Variants in CDC42BPA observed in about 807,000 individuals in gnomAD.
The protein encoded by CDC42BPA is CDC42 binding protein kinase alpha, also known as serine/threonine-protein kinase MRCK alpha.
CDC42BPA carries 80 observed loss-of-function variants against 223.5 expected under a neutral mutation model. The observed-to-expected ratio is 0.36, with a 90% CI of 0.30 to 0.43. The LOEUF (loss-of-function observed/expected upper bound fraction) is 0.43, where lower values mean the gene tolerates loss of function less well. Among genes scored for constraint, CDC42BPA ranks in the 20% least tolerant of loss-of-function variants. The pLI is 1.00. For missense variants in CDC42BPA, 1,743 were observed against 2,099.9 expected (o/e 0.83, Z 3.32); for synonymous variants, 694 against 718.6 (o/e 0.97, Z 0.55).
chr1:227,254,055 ATC>A lies in CDC42BPA; in HGVS notation c.270+7_270+8del. Reference sequence around the variant, plus strand: ...TTAGCAGACCTTCTATCAAATCTTAATCTCTTACCTCCCCAAAAGCTCCTCGA... The same window carrying A: ...TTAGCAGACCTTCTATCAAATCTTAATCTTACCTCCCCAAAAGCTCCTCGA... On this transcript the variant is annotated splice_region_variant and intron_variant, in intron 2 of 36. Coordinates refer to ENST00000366766, the MANE Select transcript of CDC42BPA (RefSeq NM_001394014.1). 6.7e-7 allele frequency: 1 copy of A among 1,484,654 alleles called. No individual in the cohort carries two copies. The highest frequency in any genetic ancestry group is 9.4e-7 in the Non-Finnish European group (1 of 1,068,880). 92.0% of individuals were successfully genotyped at this position (1,484,654 alleles called of 1,614,324 possible). A position where few individuals can be genotyped will look rare whatever the true frequency, so the allele number is the denominator to read the frequency against.
At position 227,213,209 on chromosome 1, in the gene CDC42BPA, A is replaced by G. The variant is rs1263333412; in HGVS notation, c.281T>C (p.Val94Ala). 10 of 1,481,930 alleles carry G rather than the reference A, an allele frequency of 6.7e-6. No individual in the cohort carries two copies. The highest frequency in any genetic ancestry group is 8.4e-6 in the Non-Finnish European group (9 of 1,072,724). The allele number at this position is 1,481,930 out of a possible 1,614,324, so 91.8% of individuals were successfully genotyped here. The change falls in exon 3 of 37, where the codon GTA (valine) becomes GCA (alanine). Residue 94 changes from valine to alanine, a missense_variant. Coordinates refer to ENST00000366766, the MANE Select transcript of CDC42BPA (RefSeq NM_001394014.1). The stretch of plus-strand genomic sequence containing the variant: ...CACTTTATCTGCATTTTTTAGTTTT[A>G]CTACAGCAACCTAGAAAAGATAAAG... ...GRGAFGEVAV[V>A]KLKNADKVFA... is the part of the protein sequence containing the mutation.
chr1:227,248,324 A>C (rs2063666), intron 2 of CDC42BPA, among the ~76,000 whole-genome samples: 1 of 152,082 alleles, frequency 6.6e-6, no homozygotes, highest in Admixed American at 6.6e-5. Context: ...TCCTTGTTTG[A>C]AGATGATATG....
At chr1:227,152,184 T>C (rs1661902783) in intron 6 of CDC42BPA, among the ~76,000 whole-genome samples, 1 of 152,226 alleles carries the variant, frequency 6.6e-6, no homozygotes, top group Non-Finnish European at 1.5e-5. Context: ...TGTTGCCTTT[T>C]CACTCTGATC....
At chr1:227,193,628 C>T (rs954782020) in intron 5 of CDC42BPA, 158 bp downstream of exon 5, 14 of 568,868 alleles carry the variant, frequency 2.5e-5, no homozygotes, top group African/African-American at 1.5e-4. Context: ...ATAATAACAA[C>T]AACAAAGCAA....
intron 8 of CDC42BPA, among the ~76,000 whole-genome samples, chr1:227,144,047 C>T (rs185485078): frequency 6.6e-6 from 1 of 152,248 alleles, no homozygotes; most frequent in African/African-American, 2.4e-5. Flanking sequence ...GCCTTGAATA[C>T]AGTACTAGGA....
intron 5 of CDC42BPA, among the ~76,000 whole-genome samples, chr1:227,170,343 G>C (rs1234626790): frequency 6.6e-6 from 1 of 151,878 alleles, no homozygotes; most frequent in Non-Finnish European, 1.5e-5. Flanking sequence ...ATGTGTGTGA[G>C]CCATCTTGAC....
intron 29 of CDC42BPA, among the ~76,000 whole-genome samples, chr1:227,029,639 T>A (rs12122759): frequency 3.9e-5 from 6 of 152,106 alleles, no homozygotes; most frequent in African/African-American, 1.4e-4. Context: ...ATGATCTAAG[T>A]TGACATAAAG....
At chr1:227,143,903 C>T (rs1377666278) in intron 8 of CDC42BPA, among the ~76,000 whole-genome samples, 1 of 152,066 alleles carries the variant, frequency 6.6e-6, no homozygotes, top group Non-Finnish European at 1.5e-5. Flanking sequence ...ATCAACTGTA[C>T]TATGTATTTA....
At chr1:227,267,982 A>G (rs1685280772) in intron 1 of CDC42BPA, among the ~76,000 whole-genome samples, 1 of 152,188 alleles carries the variant, frequency 6.6e-6, no homozygotes, top group Non-Finnish European at 1.5e-5. Context: ...TTTATTGTAC[A>G]CCTACCATGT....
chr1:227,151,057 A>G (rs1311555599), intron 6 of CDC42BPA, among the ~76,000 whole-genome samples: 2 of 152,136 alleles, frequency 1.3e-5, no homozygotes, highest in Non-Finnish European at 2.9e-5. Context: ...GTTCAATGGC[A>G]TAAGTACCTT....
At chr1:227,304,145 G>A (rs1300848018) in intron 1 of CDC42BPA, among the ~76,000 whole-genome samples, 2 of 152,098 alleles carry the variant, frequency 1.3e-5, no homozygotes, top group East Asian at 1.9e-4. Flanking sequence ...CTGTAATCAC[G>A]CCGGTAATCC....
At chr1:227,311,622 C>A (rs7541499) in intron 1 of CDC42BPA, among the ~76,000 whole-genome samples, 46,762 of 151,098 alleles carry the variant, frequency 0.31, 7,381 homozygotes, top group East Asian at 0.37. Context: ...AACTCAGAAA[C>A]GGAAAAAAAC....
intron 1 of CDC42BPA, among the ~76,000 whole-genome samples, chr1:227,291,554 T>C (rs1436326889): frequency 6.6e-6 from 1 of 150,474 alleles, no homozygotes; most frequent in Non-Finnish European, 1.5e-5. Context: ...GTCTCAAAAA[T>C]TAAAAACAAA....
chr1:227,222,692 C>G (rs1439963258), intron 2 of CDC42BPA, among the ~76,000 whole-genome samples: 5 of 152,164 alleles, frequency 3.3e-5, no homozygotes, highest in African/African-American at 1.2e-4. Flanking sequence ...TAGATCATAC[C>G]CTTTTTCTTC....
Position 226,991,475 on chromosome 1 carries a change from CGT to C in CDC42BPA, c.*2791_*2792del. 6.6e-6 allele frequency: 1 copy of C among 152,252 alleles called. No individual in the cohort carries two copies. Among genetic ancestry groups the C allele is most frequent in the South Asian group, 2.1e-4 (1 of 4,818 alleles). The allele number at this position is 152,252 out of a possible 1,614,324, so 9.4% of individuals were successfully genotyped here. A position where few individuals can be genotyped will look rare whatever the true frequency, so the allele number is the denominator to read the frequency against. On this transcript the variant is annotated 3_prime_UTR_variant, in exon 37 of 37. Coordinates refer to ENST00000366766, the MANE Select transcript of CDC42BPA (RefSeq NM_001394014.1). ...GGTGGGATAAACCCAGTAGGATGAC[CGT>C]TATTTTGGGAAAACCCTCCCCAAAA...
chr1:227,137,690 G>T (rs1168081180), intron 10 of CDC42BPA, among the ~76,000 whole-genome samples: 3 of 132,488 alleles, frequency 2.3e-5, no homozygotes, highest in African/African-American at 8.2e-5. Context: ...AAAAAAAAAA[G>T]AGCAAACTGC....
intron 2 of CDC42BPA, among the ~76,000 whole-genome samples, chr1:227,232,809 G>A (rs538279538): frequency 2.2e-4 from 34 of 152,338 alleles, no homozygotes; most frequent in African/African-American, 7.5e-4. Flanking sequence ...TGTATGAGGT[G>A]TCAGTCGGCC....
intron 2 of CDC42BPA, among the ~76,000 whole-genome samples, chr1:227,225,303 T>C (rs1676669711): frequency 1.3e-5 from 2 of 152,158 alleles, no homozygotes; most frequent in Admixed American, 1.3e-4. Flanking sequence ...CAAGGGCATG[T>C]AAATTACTGG....
intron 1 of CDC42BPA, among the ~76,000 whole-genome samples, chr1:227,263,062 G>A (rs571729490): frequency 2.0e-5 from 3 of 152,004 alleles, no homozygotes; most frequent in East Asian, 1.9e-4. Context: ...GTGAAATCTC[G>A]TCTCTACTAA....
Sources: gnomAD v4.1 joint callset for allele counts (sites outside exome capture counted in the v4.1 genomes callset) on GRCh38, gnomAD v4.1.1 for gene constraint, MANE v1.5 for transcripts, NCBI Gene and HGNC (gene_info 2026-07-23, HGNC 2026-07-21) for gene names.